SMARCAD1: variants seen among roughly 807,000 people sequenced by gnomAD.
SMARCAD1 encodes SWI/SNF-related matrix-associated actin-dependent regulator of chromatin subfamily A containing DEAD/H box 1.
A neutral mutation model predicts 127.1 loss-of-function variants in SMARCAD1; 25 were observed. The observed-to-expected ratio is 0.20, with a 90% CI of 0.14 to 0.27. The LOEUF is 0.27. Among genes scored for constraint, SMARCAD1 ranks in the 10% least tolerant of loss-of-function variants. SMARCAD1 has a pLI of 1.00. For missense variants in SMARCAD1, 807 were observed against 1,206.0 expected, an observed-to-expected ratio of 0.67 and a Z score of 4.90; for synonymous variants, 400 against 396.9, an observed-to-expected ratio of 1.01 and a Z score of -0.09.
chr4:94,258,850 TTTGCA>T (rs1201844568), intron 9 of SMARCAD1, among the ~76,000 whole-genome samples: 1 of 152,258 alleles, frequency 6.6e-6, no homozygotes, highest in Non-Finnish European at 1.5e-5. Flanking sequence ...TTCACAATAA[TTTGCA>T]TTGCAAGTGT....
chr4:94,232,150 A>T (rs898847824), intron 3 of SMARCAD1, among the ~76,000 whole-genome samples: 8 of 152,208 alleles, frequency 5.3e-5, no homozygotes, highest in Non-Finnish European at 1.0e-4. Flanking sequence ...GGTGTGAGCC[A>T]CTGCACCCGG....
chr4:94,252,618 A>G lies in SMARCAD1; in HGVS notation c.892A>G (p.Met298Val). Residue 298 changes from methionine (M) to valine (V), a missense_variant and splice_region_variant, in exon 9 of 24, where the codon ATG (methionine) becomes GTG (valine). By Grantham distance (21) the Met-to-Val change is conservative (BLOSUM62 1). Coordinates refer to ENST00000354268, the MANE Select transcript of SMARCAD1 (RefSeq NM_020159.5). ...SLKVFAEDQDMQYVSQSEVPN... is the reference protein window; with the variant it reads ...SLKVFAEDQDVQYVSQSEVPN... ...CTGTTTTTGTCTTTTATATACAGAT[A>G]TGCAATATGTATCACAAAGTGAGGT... 2 of 1,546,564 alleles carry G rather than the reference A, an allele frequency of 1.3e-6. No individual in the cohort carries two copies. The highest frequency in any genetic ancestry group is 1.7e-6 in the Non-Finnish European group (2 of 1,146,648).
intron 14 of SMARCAD1, among the ~76,000 whole-genome samples, chr4:94,275,798 T>TTTATTTTTTA (rs373829337): frequency 1.4e-5 from 1 of 74,062 alleles, no homozygotes; most frequent in African/African-American, 3.7e-5. Flanking sequence ...AACATTTTCT[T>TTTATTTTTTA]TTTTTTTTTT....
intron 3 of SMARCAD1, among the ~76,000 whole-genome samples, chr4:94,229,899 G>A (rs1409889379): frequency 5.9e-5 from 9 of 151,492 alleles, no homozygotes; most frequent in Non-Finnish European, 8.8e-5. Flanking sequence ...TCTTCTGACA[G>A]TGAGAACCCT....
Position 94,283,156 on chromosome 4 carries a change from A to G in SMARCAD1, c.2762A>G (p.Asp921Gly), listed in dbSNP as rs756107825. 1.1e-5 allele frequency: 17 copies of G among 1,613,556 alleles called. No individual in the cohort carries two copies. In the Admixed American group the frequency reaches 2.8e-4, roughly 27 times the overall value. Reference sequence around the variant, plus strand: ...ATTGATGAGTTTAATACCGATATGGATATCTTTGTGTTTCTGCTATCAACA... The same window carrying G: ...ATTGATGAGTTTAATACCGATATGGGTATCTTTGTGTTTCTGCTATCAACA... ...HLIDEFNTDM[D>G]IFVFLLSTKA... The change falls in exon 22 of 24, where the codon GAT becomes GGT. Residue 921 changes from aspartate (D) to glycine (G), a missense_variant. By Grantham distance (94) the Asp-to-Gly change is moderately conservative. This residue lies in a region of SMARCAD1 where 44 missense variants were observed against 119.1 expected (regional missense o/e 0.37). Transcript: ENST00000354268.
At position 94,273,783 on chromosome 4, in the gene SMARCAD1, G is replaced by T. The variant is rs1752877436; in HGVS notation, c.1672+67G>T. 6.4e-6 allele frequency: 8 copies of T among 1,248,334 alleles called. 1 individual carries two copies. In the South Asian group the frequency reaches 8.6e-5, roughly 13 times the overall value. 77.3% of individuals were successfully genotyped at this position (1,248,334 alleles called of 1,614,324 possible). ...TTTATATAGGTAGAAGAGAGTGTGT[G>T]TAAGGGTGTGTGTCGGAGGGGTGTT... On this transcript the variant is annotated intron_variant, in intron 12 of 23. Transcript: ENST00000354268.
chr4:94,257,795 A>C (rs151008293), intron 9 of SMARCAD1, among the ~76,000 whole-genome samples: 13 of 152,174 alleles, frequency 8.5e-5, no homozygotes, highest in African/African-American at 2.6e-4. Flanking sequence ...ATCTTTATGT[A>C]ATATAGTTAT....
intron 9 of SMARCAD1, among the ~76,000 whole-genome samples, chr4:94,256,836 TAAA>T (rs34976740): frequency 1.3e-5 from 2 of 151,966 alleles, no homozygotes; most frequent in Non-Finnish European, 2.9e-5. Context: ...AAGTTTGTAT[TAAA>T]AAAATCTGCA....
At chr4:94,229,641 G>T (rs1579077088) in intron 3 of SMARCAD1, among the ~76,000 whole-genome samples, 1 of 152,064 alleles carries the variant, frequency 6.6e-6, no homozygotes, top group East Asian at 1.9e-4. Context: ...AGTAGGAAAT[G>T]ATACTTGGAA....
At chr4:94,254,152 T>A (rs960847547) in intron 9 of SMARCAD1, among the ~76,000 whole-genome samples, 4 of 152,120 alleles carry the variant, frequency 2.6e-5, no homozygotes, top group Non-Finnish European at 4.4e-5. Context: ...CTTTAAAAAA[T>A]AATAATAAAA....
At chr4:94,275,029 T>C in intron 14 of SMARCAD1, 64 bp downstream of exon 14, 2 of 1,114,574 alleles carry the variant, frequency 1.8e-6, no homozygotes, top group South Asian at 1.2e-5. Flanking sequence ...AAAAAGAAAT[T>C]GTAGTAGTAC....
At chr4:94,253,468 T>A (rs1332235607) in intron 9 of SMARCAD1, 3 of 1,164,238 alleles carry the variant, frequency 2.6e-6, no homozygotes, top group Non-Finnish European at 3.2e-6. Context: ...CTAAGTGTTT[T>A]ATGCTTCACC....
chr4:94,283,226 T>C lies in SMARCAD1; in HGVS notation c.2832T>C (p.Val944=). 1 of 1,613,794 alleles carries C rather than the reference T, an allele frequency of 6.2e-7. No homozygotes were observed. The highest frequency in any genetic ancestry group is 8.5e-7 in the Non-Finnish European group (1 of 1,179,952). ...TAAATCTGACTTCAGCAAATGTTGTTATACTTCACGATATTGACTGTAATC... is the reference window on the plus strand; with the variant it reads ...TAAATCTGACTTCAGCAAATGTTGTCATACTTCACGATATTGACTGTAATC... ...LGINLTSANV[V]ILHDIDCNPY... Residue 944 remains valine (V), a synonymous_variant, in exon 22 of 24, where the codon GTT becomes GTC. Transcript: ENST00000354268.
chr4:94,236,884 A>T, intron 4 of SMARCAD1, 68 bp from the exon 5 acceptor site: 6 of 1,224,350 alleles, frequency 4.9e-6, no homozygotes, highest in Non-Finnish European at 7.2e-6. Context: ...TTGTTCTTAA[A>T]TATTTCAGTA....
chr4:94,247,480 A>G (rs1350138185), intron 6 of SMARCAD1, among the ~76,000 whole-genome samples: 1 of 152,206 alleles, frequency 6.6e-6, no homozygotes. Context: ...TTTGATTCCG[A>G]AGAGCTGTTT....
intron 2 of SMARCAD1, among the ~76,000 whole-genome samples, chr4:94,224,738 A>G (rs1055744022): frequency 1.2e-4 from 19 of 152,080 alleles, no homozygotes; most frequent in Admixed American, 1.0e-3. Context: ...AGACTTTTGG[A>G]CTTGGATTTC....
chr4:94,214,338 C>T, intron 2 of SMARCAD1, among the ~76,000 whole-genome samples: 1 of 150,138 alleles, frequency 6.7e-6, no homozygotes, highest in East Asian at 1.9e-4. Flanking sequence ...TCTCAACTCA[C>T]TGCAATCTCT....
chr4:94,289,716 A>G lies in SMARCAD1; in HGVS notation c.*182A>G, dbSNP rs978712404. 1.6e-5 allele frequency: 11 copies of G among 697,740 alleles called. No individual in the cohort carries two copies. Among genetic ancestry groups the G allele is most frequent in the Non-Finnish European group, 2.9e-5 (11 of 377,032 alleles). 43.2% of individuals were successfully genotyped at this position (697,740 alleles called of 1,614,324 possible). ...TGAATTCTCCAAATACTCACACGTG[A>G]AATTTCAAAAAAGAAGCCACAAATA... On this transcript the variant is annotated 3_prime_UTR_variant, in exon 24 of 24. Transcript: ENST00000354268.
chr4:94,226,086 C>A, intron 2 of SMARCAD1, 33 bp from the exon 3 acceptor site: 2 of 1,561,760 alleles, frequency 1.3e-6, no homozygotes, highest in South Asian at 2.3e-5. Context: ...TCCAGTTGCT[C>A]AAAATATTTT....
Sources: gnomAD v4.1 joint callset for allele counts (sites outside exome capture counted in the v4.1 genomes callset) on GRCh38, gnomAD v4.1.1 for gene constraint, gnomAD v4.1.1 regional missense constraint, MANE v1.5 for transcripts, NCBI Gene and HGNC (gene_info 2026-07-23, HGNC 2026-07-21) for gene names.